BACH2: variants seen among roughly 807,000 people sequenced by gnomAD.
BACH2 encodes the protein BACH transcriptional regulator 2.
Under a neutral mutation model 61.8 loss-of-function variants are expected in BACH2, and 5 were observed. The ratio of observed to expected loss-of-function variants is 0.08; its 90% confidence interval spans 0.04 to 0.17. The LOEUF is 0.17. BACH2 is among the 10% of genes least tolerant of loss of function. The pLI is 1.00. For missense variants in BACH2, 824 were observed against 1,091.1 expected, an observed-to-expected ratio of 0.76 and a Z score of 3.45; for synonymous variants, 446 against 440.1, an observed-to-expected ratio of 1.01 and a Z score of -0.17.
chr6:90,175,178 C>A (rs989770793), intron 4 of BACH2, among the ~76,000 whole-genome samples: 7 of 152,026 alleles, frequency 4.6e-5, no homozygotes, highest in Non-Finnish European at 8.8e-5. Flanking sequence ...GTTAGAAATG[C>A]ATTTTAAAGT....
At chr6:90,163,570 T>A (rs918338590) in intron 4 of BACH2, among the ~76,000 whole-genome samples, 1 of 152,248 alleles carries the variant, frequency 6.6e-6, no homozygotes, top group African/African-American at 2.4e-5. Context: ...TTTATAAAAT[T>A]ATAAAATTGA....
chr6:90,207,190 C>T (rs1769177884), intron 3 of BACH2, among the ~76,000 whole-genome samples: 1 of 152,098 alleles, frequency 6.6e-6, no homozygotes, highest in Admixed American at 6.6e-5. Context: ...ATGACCACGG[C>T]TCACTGCAGC....
chr6:90,077,457 G>A (rs1282572992), intron 5 of BACH2, among the ~76,000 whole-genome samples: 2 of 152,026 alleles, frequency 1.3e-5, no homozygotes, highest in Non-Finnish European at 2.9e-5. Context: ...CTGGAGAAGC[G>A]GGTATCATTT....
intron 6 of BACH2, among the ~76,000 whole-genome samples, chr6:89,968,534 TAAGAA>T (rs1775168966): frequency 6.6e-6 from 1 of 152,218 alleles, no homozygotes; most frequent in South Asian, 2.1e-4. Context: ...TGACAGTATT[TAAGAA>T]AAGTTAAATT....
At chr6:89,964,097 C>G (rs1774910538) in intron 6 of BACH2, among the ~76,000 whole-genome samples, 1 of 151,604 alleles carries the variant, frequency 6.6e-6, no homozygotes, top group Non-Finnish European at 1.5e-5. Context: ...GGGAGATATA[C>G]CTAATGCTAG....
intron 4 of BACH2, among the ~76,000 whole-genome samples, chr6:90,156,383 G>C (rs958781564): frequency 6.6e-6 from 1 of 152,072 alleles, no homozygotes; most frequent in Non-Finnish European, 1.5e-5. Context: ...GGCCAAAGTG[G>C]GACTGTTCCT....
chr6:89,988,212 G>T (rs1036792759), intron 6 of BACH2, among the ~76,000 whole-genome samples: 1 of 152,224 alleles, frequency 6.6e-6, no homozygotes, highest in Non-Finnish European at 1.5e-5. Flanking sequence ...TACTGTTGCA[G>T]AAGCTTGAAA....
At chr6:90,043,297 C>G (rs1223252059) in intron 5 of BACH2, among the ~76,000 whole-genome samples, 2 of 152,092 alleles carry the variant, frequency 1.3e-5, no homozygotes, top group African/African-American at 4.8e-5. Flanking sequence ...GTGATTGGGT[C>G]ATGAGGGTTC....
At chr6:90,144,140 A>G (rs1308738527) in intron 4 of BACH2, among the ~76,000 whole-genome samples, 2 of 152,250 alleles carry the variant, frequency 1.3e-5, no homozygotes, top group African/African-American at 4.8e-5. Flanking sequence ...AAATAGGAAT[A>G]TAGAGATGAT....
chr6:90,036,929 G>A (rs1407595258), intron 5 of BACH2, among the ~76,000 whole-genome samples: 1 of 152,124 alleles, frequency 6.6e-6, no homozygotes, highest in Non-Finnish European at 1.5e-5. Context: ...CTAATTGTCT[G>A]CCCTAAAACA....
At chr6:90,233,563 C>T (rs1012787185) in intron 3 of BACH2, among the ~76,000 whole-genome samples, 1 of 152,142 alleles carries the variant, frequency 6.6e-6, no homozygotes, top group Non-Finnish European at 1.5e-5. Flanking sequence ...TCAGGTACCT[C>T]GCCTGACAAT....
At chr6:90,218,240 G>C (rs913005519) in intron 3 of BACH2, 1 of 152,172 alleles carries the variant, frequency 6.6e-6, no homozygotes, top group Non-Finnish European at 1.5e-5. Context: ...TGTGGTCTTT[G>C]TTTGGTGGGT....
At chr6:90,264,201 C>T (rs1334798436) in intron 2 of BACH2, among the ~76,000 whole-genome samples, 2 of 152,092 alleles carry the variant, frequency 1.3e-5, no homozygotes, top group Non-Finnish European at 2.9e-5. Flanking sequence ...TGTCCTCTGT[C>T]TGAAGTTTTC....
intron 1 of BACH2, among the ~76,000 whole-genome samples, chr6:90,296,185 C>G (rs1015595518): frequency 6.6e-6 from 1 of 151,976 alleles, no homozygotes; most frequent in South Asian, 2.1e-4. Context: ...TCCAAAACAC[C>G]CTTCGACGCC....
At chr6:90,270,282 A>G (rs1179132514) in intron 2 of BACH2, among the ~76,000 whole-genome samples, 1 of 152,160 alleles carries the variant, frequency 6.6e-6, no homozygotes, top group Non-Finnish European at 1.5e-5. Context: ...TTCTACTTTT[A>G]GTTCTTTAAG....
intron 6 of BACH2, among the ~76,000 whole-genome samples, chr6:90,007,278 G>A (rs1464912756): frequency 1.3e-5 from 2 of 151,994 alleles, no homozygotes; most frequent in African/African-American, 2.4e-5. Flanking sequence ...GTTTCACCAT[G>A]TTGGGCAGGC....
At chr6:90,039,027 T>G (rs1304977170) in intron 5 of BACH2, among the ~76,000 whole-genome samples, 1 of 146,106 alleles carries the variant, frequency 6.8e-6, no homozygotes, top group African/African-American at 2.5e-5. Context: ...GAAACAAGAG[T>G]GAAACTCCGT....
chr6:89,948,194 G>C (rs1017510325), intron 7 of BACH2, among the ~76,000 whole-genome samples: 1 of 151,978 alleles, frequency 6.6e-6, no homozygotes, highest in African/African-American at 2.4e-5. Context: ...ACCCTCCCTT[G>C]AGCTTAATGG....
intron 6 of BACH2, among the ~76,000 whole-genome samples, chr6:89,964,876 C>A (rs1774961866): frequency 6.6e-6 from 1 of 152,084 alleles, no homozygotes; most frequent in Non-Finnish European, 1.5e-5. Context: ...TGCTTACAGA[C>A]CTTATTAGAT....
Sources: allele counts gnomAD v4.1 joint callset (sites outside exome capture counted in the v4.1 genomes callset), GRCh38; gene constraint gnomAD v4.1.1; transcripts MANE v1.5; gene names NCBI Gene and HGNC (gene_info 2026-07-23, HGNC 2026-07-21).